Variants in CTNNA3 observed in about 807,000 individuals in gnomAD.
The protein encoded by CTNNA3 is catenin alpha-3.
CTNNA3 carries 76 observed loss-of-function variants against 95.7 expected under a neutral mutation model. The ratio of observed to expected loss-of-function variants is 0.79; its 90% confidence interval spans 0.66 to 0.96. The LOEUF (loss-of-function observed/expected upper bound fraction) is 0.96. CTNNA3 is among the 40% of genes least tolerant of loss of function. The probability of loss-of-function intolerance (pLI) is 0.00; values close to 1 mark genes in which losing one functional copy is unlikely to be tolerated. For synonymous variants in CTNNA3, 431 were observed against 374.4 expected (o/e 1.15, Z -1.74); for missense variants, 1,191 against 1,089.8 (o/e 1.09, Z -1.31).
Position 66,227,618 on chromosome 10 carries a change from T to C in CTNNA3, c.1884+52852A>G, listed in dbSNP as rs2085996. Among the ~76,000 whole-genome samples, 288 of 152,270 alleles carry C rather than the reference T, an allele frequency of 1.9e-3. 1 individual carries two copies. Among genetic ancestry groups the C allele is most frequent in the African/African-American group, 6.6e-3 (275 of 41,568 alleles). On this transcript the variant is annotated intron_variant, in intron 13 of 17. Transcript: ENST00000433211. Reference sequence around the variant, plus strand: ...TTTGCGTCTATGTTCATTCAAAATATTGGTCTGTAGATTTCTTTTATTGTT... The same window carrying C: ...TTTGCGTCTATGTTCATTCAAAATACTGGTCTGTAGATTTCTTTTATTGTT...
At chr10:67,580,896 G>T (rs1232987689) in intron 3 of CTNNA3, among the ~76,000 whole-genome samples, 3 of 152,064 alleles carry the variant, frequency 2.0e-5, no homozygotes, top group Non-Finnish European at 4.4e-5. Context: ...TGTGATTTTT[G>T]CACATTGATT....
intron 17 of CTNNA3, among the ~76,000 whole-genome samples, chr10:65,925,295 A>C (rs879832760): frequency 6.6e-6 from 1 of 152,174 alleles, no homozygotes; most frequent in African/African-American, 2.4e-5. Context: ...CAACAACAAT[A>C]AAATCGAAAC....
At chr10:66,033,373 G>C (rs2079489813) in intron 15 of CTNNA3, among the ~76,000 whole-genome samples, 1 of 151,720 alleles carries the variant, frequency 6.6e-6, no homozygotes, top group African/African-American at 2.4e-5. Flanking sequence ...CTGACCTCGT[G>C]GTCTGCCCGC....
chr10:66,004,943 C>G (rs2078850665), intron 15 of CTNNA3, among the ~76,000 whole-genome samples: 1 of 152,122 alleles, frequency 6.6e-6, no homozygotes, highest in South Asian at 2.1e-4. Context: ...ATTTCTGGAA[C>G]TGGGAAGTCC....
At chr10:66,918,801 T>C (rs1362999646) in intron 7 of CTNNA3, among the ~76,000 whole-genome samples, 2 of 152,150 alleles carry the variant, frequency 1.3e-5, no homozygotes, top group African/African-American at 2.4e-5. Context: ...GAAATGTGCA[T>C]GTGTGTAGAT....
At chr10:66,789,771 A>G (rs1184748864) in intron 7 of CTNNA3, among the ~76,000 whole-genome samples, 1 of 152,172 alleles carries the variant, frequency 6.6e-6, no homozygotes, top group Non-Finnish European at 1.5e-5. Flanking sequence ...TGATATTCAA[A>G]ATGTTTAACA....
intron 7 of CTNNA3, among the ~76,000 whole-genome samples, chr10:67,043,519 T>C (rs1429539668): frequency 1.3e-5 from 2 of 152,196 alleles, no homozygotes; most frequent in Non-Finnish European, 2.9e-5. Context: ...ATAGGGTTTA[T>C]TTCAATGATT....
intron 9 of CTNNA3, among the ~76,000 whole-genome samples, chr10:66,692,569 C>G (rs1847591372): frequency 6.6e-6 from 1 of 152,150 alleles, no homozygotes; most frequent in Non-Finnish European, 1.5e-5. Context: ...CTTCCCCAAT[C>G]TAGCAAGGCA....
intron 7 of CTNNA3, among the ~76,000 whole-genome samples, chr10:66,876,475 A>C (rs1247593713): frequency 6.6e-6 from 1 of 152,180 alleles, no homozygotes; most frequent in East Asian, 1.9e-4. Context: ...CACAATATGC[A>C]ATCCTTATTT....
At chr10:66,083,635 A>G (rs2080855681) in intron 14 of CTNNA3, among the ~76,000 whole-genome samples, 1 of 152,216 alleles carries the variant, frequency 6.6e-6, no homozygotes, top group Admixed American at 6.5e-5. Context: ...TAAAGAGGCA[A>G]CTAAGGTCTG....
chr10:66,361,780 C>T (rs2092677815), intron 12 of CTNNA3, among the ~76,000 whole-genome samples: 1 of 151,994 alleles, frequency 6.6e-6, no homozygotes, highest in South Asian at 2.1e-4. Flanking sequence ...TCAAGTAATC[C>T]TCCTTCCTCA....
chr10:66,258,618 G>A (rs918231347), intron 13 of CTNNA3, among the ~76,000 whole-genome samples: 5 of 152,006 alleles, frequency 3.3e-5, no homozygotes, highest in Non-Finnish European at 5.9e-5. Context: ...CAAATGAAGG[G>A]GGATAGTTTT....
intron 5 of CTNNA3, among the ~76,000 whole-genome samples, chr10:67,470,731 A>G (rs1847785745): frequency 6.6e-6 from 1 of 151,998 alleles, no homozygotes; most frequent in African/African-American, 2.4e-5. Context: ...CCTCAACCCC[A>G]GCACTATTGA....
intron 5 of CTNNA3, among the ~76,000 whole-genome samples, chr10:67,335,041 T>C (rs936847851): frequency 6.6e-5 from 10 of 151,706 alleles, no homozygotes; most frequent in African/African-American, 1.9e-4. Context: ...CACACACACA[T>C]ATACACACAC....
At chr10:65,960,015 A>G (rs2077810482) in intron 17 of CTNNA3, among the ~76,000 whole-genome samples, 1 of 152,172 alleles carries the variant, frequency 6.6e-6, no homozygotes, top group Non-Finnish European at 1.5e-5. Context: ...TCTTCTAAGC[A>G]GTGTTGAGAA....
rs543882241 is a variant in CTNNA3 at position 66,520,245 on chromosome 10, CTTTTT to C, written c.1531+367_1531+371del. On this transcript the variant is annotated intron_variant, in intron 11 of 17. Transcript: ENST00000433211. ...AAAATTAATCTTATTTAGTATTATT[CTTTTT>C]TTTTTTTTTTTTTTTTTTTGAGATA... Among the ~76,000 whole-genome samples, 15 of 78,068 alleles carry C rather than the reference CTTTTT, an allele frequency of 1.9e-4. No individual in the cohort carries two copies. In the East Asian group the frequency reaches 3.6e-3, roughly 19 times the overall value. The allele number at this position is 78,068 out of a possible 152,430, so 51.2% of individuals were successfully genotyped here. A position where few individuals can be genotyped will look rare whatever the true frequency, so the allele number is the denominator to read the frequency against.
intron 17 of CTNNA3, among the ~76,000 whole-genome samples, chr10:65,953,477 C>T (rs2077662675): frequency 6.6e-6 from 1 of 151,762 alleles, no homozygotes; most frequent in Non-Finnish European, 1.5e-5. Context: ...AGTTGGTGTG[C>T]TGCACCCATT....
chr10:67,114,281 G>A (rs1053881175), intron 7 of CTNNA3, among the ~76,000 whole-genome samples: 1 of 151,756 alleles, frequency 6.6e-6, no homozygotes, highest in African/African-American at 2.4e-5. Context: ...GGAATATAAG[G>A]CCTCTACATT....
intron 13 of CTNNA3, among the ~76,000 whole-genome samples, chr10:66,185,372 TA>T (rs939767940): frequency 9.2e-5 from 14 of 152,056 alleles, no homozygotes; most frequent in Admixed American, 8.5e-4. Flanking sequence ...GGATACCTTT[TA>T]AAAATGCTTC....
Sources: allele counts gnomAD v4.1 joint callset (sites outside exome capture counted in the v4.1 genomes callset), GRCh38; gene constraint gnomAD v4.1.1; transcripts MANE v1.5; gene names NCBI Gene and HGNC (gene_info 2026-07-23, HGNC 2026-07-21).